CSDE1: variants seen among roughly 807,000 people sequenced by gnomAD.
CSDE1 encodes cold shock domain-containing protein E1.
In CSDE1, 17 loss-of-function variants were observed where a neutral mutation model predicts 89.3. The ratio of observed to expected loss-of-function variants is 0.19; its 90% CI spans 0.13 to 0.29. The LOEUF is 0.29. CSDE1 is among the 10% of genes least tolerant of loss of function. The pLI is 1.00. For synonymous variants in CSDE1, 322 were observed against 332.8 expected, an observed-to-expected ratio of 0.97 and a Z score of 0.35; for missense variants, 672 against 984.2, an observed-to-expected ratio of 0.68 and a Z score of 4.24.
intron 16 of CSDE1, among the ~76,000 whole-genome samples, chr1:114,721,272 A>G (rs1450573661): frequency 3.9e-5 from 6 of 152,118 alleles, no homozygotes; most frequent in Admixed American, 2.6e-4. Context: ...GTATTATTTT[A>G]GGTTTGCAAG....
chr1:114,738,661 C>CTTTTTTTTTTTTTTTT (rs752985259), intron 3 of CSDE1, among the ~76,000 whole-genome samples: 2 of 80,026 alleles, frequency 2.5e-5, no homozygotes, highest in African/African-American at 5.2e-5. Flanking sequence ...CATGTAAAAA[C>CTTTTTTTTTTTTTTTT]TTTTTTTTTT....
intron 2 of CSDE1, among the ~76,000 whole-genome samples, chr1:114,747,502 C>T (rs1429083836): frequency 6.6e-6 from 1 of 152,136 alleles, no homozygotes; most frequent in Non-Finnish European, 1.5e-5. Flanking sequence ...ACAAAGATTA[C>T]ACTAAACAAA....
At chr1:114,739,122 C>T (rs1570933369) in intron 3 of CSDE1, among the ~76,000 whole-genome samples, 1 of 152,146 alleles carries the variant, frequency 6.6e-6, no homozygotes, top group African/African-American at 2.4e-5. Context: ...AGCTCCGCCT[C>T]CCAGGTTCAC....
In CSDE1 at chr1:114,751,527, A is replaced by G. The variant is rs145468391; in HGVS notation, c.-387-1320T>C. 5.8e-3 allele frequency among the ~76,000 whole-genome samples: 883 copies of G among 152,296 alleles called. 1 individual carries two copies. The highest frequency in any genetic ancestry group is 1.0e-2 in the Non-Finnish European group (677 of 68,022). Reference sequence around the variant, plus strand: ...TCCTCACATGTAAAATAAAAACTCAATAACAGCTGATCTGGCCATTTTCTA... The same window carrying G: ...TCCTCACATGTAAAATAAAAACTCAGTAACAGCTGATCTGGCCATTTTCTA... On this transcript the variant is annotated intron_variant, in intron 1 of 19. Transcript: ENST00000358528.
At position 114,717,386 on chromosome 1, in the gene CSDE1, G is replaced by C. The variant is rs771596885; in HGVS notation, c.*783C>G. 1.3e-5 allele frequency: 2 copies of C among 152,104 alleles called. No homozygotes were observed. Among genetic ancestry groups the C allele is most frequent in the Non-Finnish European group, 2.9e-5 (2 of 67,978 alleles). 9.4% of individuals were successfully genotyped at this position (152,104 alleles called of 1,614,324 possible). ...GCTGCAGTGATCTAAGCAGCAGCAA[G>C]TTTGTGCATTCATTTTTTTTGTTTT... On this transcript the variant is annotated 3_prime_UTR_variant, in exon 20 of 20. Coordinates refer to ENST00000358528, the MANE Select transcript of CSDE1 (RefSeq NM_001007553.3).
Position 114,720,716 on chromosome 1 carries a change from G to A in CSDE1, c.1875C>T (p.Gly625=), listed in dbSNP as rs1659467937. 5 of 1,613,730 alleles carry A rather than the reference G, an allele frequency of 3.1e-6. No individual in the cohort carries two copies. Among genetic ancestry groups the A allele is most frequent in the Middle Eastern group, 1.6e-4 (1 of 6,084 alleles). Reference sequence around the variant, plus strand: ...ATGGATAGACCTCACCTTTCATATCGCCTGTAAAACAGGTACAAAGTCTAA... The same window carrying A: ...ATGGATAGACCTCACCTTTCATATCACCTGTAAAACAGGTACAAAGTCTAA... ...YQGMIEIVEE[G]DMKGEVYPFG... is the part of the protein sequence containing the mutation. The change falls in exon 17 of 20, where the codon GGC becomes GGT. Residue 625 remains glycine (G), a splice_region_variant and synonymous_variant. Coordinates refer to ENST00000358528, the MANE Select transcript of CSDE1 (RefSeq NM_001007553.3).
intron 2 of CSDE1, among the ~76,000 whole-genome samples, chr1:114,744,680 C>T (rs999677785): frequency 2.0e-5 from 3 of 152,018 alleles, no homozygotes; most frequent in African/African-American, 7.3e-5. Flanking sequence ...GCGGAACTTT[C>T]TAGATTTGAA....
At chr1:114,743,223 T>G (rs1204726304) in intron 2 of CSDE1, among the ~76,000 whole-genome samples, 1 of 152,128 alleles carries the variant, frequency 6.6e-6, no homozygotes, top group Non-Finnish European at 1.5e-5. Flanking sequence ...AGATGGAGTC[T>G]CGCTGTCACC....
At chr1:114,753,268 C>T (rs1416092656) in intron 1 of CSDE1, among the ~76,000 whole-genome samples, 1 of 151,532 alleles carries the variant, frequency 6.6e-6, no homozygotes, top group Admixed American at 6.6e-5. Flanking sequence ...TTCAGTAACA[C>T]AAAAAAAGAG....
chr1:114,754,522 A>T (rs764581173), intron 1 of CSDE1, among the ~76,000 whole-genome samples: 19 of 152,224 alleles, frequency 1.2e-4, no homozygotes, highest in Non-Finnish European at 1.9e-4. Flanking sequence ...CTGCTCACCT[A>T]ACCCACTTCC....
intron 1 of CSDE1, among the ~76,000 whole-genome samples, chr1:114,754,412 C>A (rs2101097574): frequency 6.6e-6 from 1 of 152,304 alleles, no homozygotes; most frequent in Non-Finnish European, 1.5e-5. Flanking sequence ...GTAAGTAATC[C>A]ATCTAAAATG....
rs372285564 is a variant in CSDE1 at position 114,730,043 on chromosome 1, T to TA, written c.1356+214dup. Among the ~76,000 whole-genome samples the TA allele has an allele frequency of 3.9e-3, 590 of 152,316 alleles. 6 individuals are homozygous for TA. Among genetic ancestry groups the TA allele is most frequent in the African/African-American group, 0.013 (561 of 41,570 alleles). ...AGTGGGTAGAGGCCAGAAATGCTGC[T>TA]AAACATCCCATCCCCCACAGTAAAG... On this transcript the variant is annotated intron_variant, in intron 12 of 19. Coordinates refer to ENST00000358528, the MANE Select transcript of CSDE1 (RefSeq NM_001007553.3).
chr1:114,745,642 A>G (rs140027498), intron 2 of CSDE1, among the ~76,000 whole-genome samples: 161 of 152,346 alleles, frequency 1.1e-3, no homozygotes, highest in African/African-American at 3.8e-3. Flanking sequence ...TTTAGGTTCT[A>G]CTCATATAGT....
rs1659834780 is a variant in CSDE1, at chr1:114,726,995, T to C, written c.1452A>G (p.Gln484=). ...AGAATTATCTTGCCTTATCTCCTAT[T>C]TGAGGAGAAGTAGATCCTTCCACAT... The part of the protein sequence containing the change: ...AKDVEGSTSP[Q]IGDKVEFSIS... The change falls in exon 13 of 20, where the codon CAA becomes CAG. Residue 484 remains glutamine (Q), a synonymous_variant. Transcript: ENST00000358528. 6.2e-7 allele frequency: 1 copy of C among 1,606,192 alleles called. No individual in the cohort carries two copies. The highest frequency in any genetic ancestry group is 8.5e-7 in the Non-Finnish European group (1 of 1,172,846).
At chr1:114,748,074 G>A (rs1661114417) in intron 2 of CSDE1, among the ~76,000 whole-genome samples, 1 of 152,156 alleles carries the variant, frequency 6.6e-6, no homozygotes, top group Non-Finnish European at 1.5e-5. Flanking sequence ...ATGAGACATA[G>A]ATAATTTTAC....
intron 18 of CSDE1, 127 bp from the exon 19 acceptor site, chr1:114,718,872 T>C (rs1659352208): frequency 1.0e-6 from 1 of 968,312 alleles, no homozygotes; most frequent in Non-Finnish European, 1.5e-6. Context: ...TCTTGCCTCA[T>C]ATACCTAGCT....
At chr1:114,726,493 A>T in intron 13 of CSDE1, 107 bp from the exon 14 acceptor site, 1 of 835,986 alleles carries the variant, frequency 1.2e-6, no homozygotes, top group Non-Finnish European at 1.8e-6. Context: ...TTCATTCCAA[A>T]TATCCTTTGT....
chr1:114,727,678 T>G (rs1205190023), intron 12 of CSDE1: 2 of 152,194 alleles, frequency 1.3e-5, no homozygotes, highest in Non-Finnish European at 2.9e-5. Flanking sequence ...AACATTTCAG[T>G]CATCGTACGT....
Position 114,732,620 on chromosome 1 carries a change from T to C in CSDE1, c.1034A>G (p.Asn345Ser), listed in dbSNP as rs944192773. ...AACACTTACCATTTCTCGGGCTTCA[T>C]TAGTGAACTGAAATGTATTTGACAG... ...EVLSNTFQFT[N>S]EAREMGVIAA... The change falls in exon 10 of 20, where the codon AAT becomes AGT. Residue 345 changes from asparagine (N) to serine (S), a missense_variant. Asn to Ser is a conservative substitution (Grantham distance 46). This residue lies in a region of CSDE1 where 169 missense variants were observed against 262.9 expected (regional missense o/e 0.64). Transcript: ENST00000358528. 4 of 1,614,144 alleles carry C rather than the reference T, an allele frequency of 2.5e-6. No individual in the cohort carries two copies. Among genetic ancestry groups the C allele is most frequent in the Non-Finnish European group, 3.4e-6 (4 of 1,179,966 alleles).
Sources: gnomAD v4.1 joint callset for allele counts (sites outside exome capture counted in the v4.1 genomes callset) on GRCh38, gnomAD v4.1.1 for gene constraint, gnomAD v4.1.1 regional missense constraint, MANE v1.5 for transcripts, NCBI Gene and HGNC (gene_info 2026-07-23, HGNC 2026-07-21) for gene names.